The following ICAM5 variants were observed in gnomAD, a reference collection of about 807,000 sequenced individuals.
The protein encoded by ICAM5 is ICAM-5.
In ICAM5, 38 loss-of-function variants were observed where a neutral mutation model predicts 78.8. The observed-to-expected ratio is 0.48, with a 90% CI of 0.37 to 0.63. ICAM5 has a LOEUF of 0.63. Ranked by LOEUF, ICAM5 falls within the 30% of genes least tolerant of loss-of-function variation. ICAM5 has a pLI of 0.00. For synonymous variants in ICAM5, 544 were observed against 590.9 expected (o/e 0.92, Z 1.15); for missense variants, 1,059 against 1,303.0 (o/e 0.81, Z 2.88).
In ICAM5 at chr19:10,296,259, C is replaced by A. The variant is rs569416626; in HGVS notation, c.2498-80C>A. 3.3e-6 allele frequency: 4 copies of A among 1,207,646 alleles called. No homozygotes were observed. In the East Asian group the frequency reaches 1.3e-4, roughly 39 times the overall value. 74.8% of individuals were successfully genotyped at this position (1,207,646 alleles called of 1,614,324 possible). A position where few individuals can be genotyped will look rare whatever the true frequency, so the allele number is the denominator to read the frequency against. On this transcript the variant is annotated intron_variant, in intron 10 of 10. Transcript: ENST00000221980. ...CTCCCCGGGGCATGAGGACTGACTTCGTGCCTGTGGGAGTGCGGGGGGCGG... is the reference window on the plus strand; with the variant it reads ...CTCCCCGGGGCATGAGGACTGACTTAGTGCCTGTGGGAGTGCGGGGGGCGG...
Position 10,294,594 on chromosome 19 carries a change from C to A in ICAM5, c.2184C>A (p.Thr728=). ...CGGGCACTTACCACTGTGTGGCCAC[C>A]AATGCGCATGGCACGGACTCCCGGA... ...EDAGTYHCVA[T]NAHGTDSRTV... The change falls in exon 9 of 11, where the codon ACC becomes ACA. Residue 728 remains threonine (T), a synonymous_variant. Transcript: ENST00000221980. This position sits in a 1 kb window ranked among gnomAD's most constrained non-coding sequence, Gnocchi z 7.7. 1 of 1,613,018 alleles carries A rather than the reference C, an allele frequency of 6.2e-7. No individual in the cohort carries two copies. The highest frequency in any genetic ancestry group is 1.3e-5 in the African/African-American group (1 of 75,046).
chr19:10,293,623 G>A lies in ICAM5; in HGVS notation c.1466-75G>A. On this transcript the variant is annotated intron_variant, in intron 6 of 10. Coordinates refer to ENST00000221980, the MANE Select transcript of ICAM5 (RefSeq NM_003259.4). The surrounding 1 kb of genome is among the most constrained non-coding windows in gnomAD (Gnocchi z 5.0). The stretch of plus-strand genomic sequence containing the variant: ...AGGGACAACACTTCGTGGAAGCCTT[G>A]CCGCGCCAAGGAGGGTCTAGGGACG... 1.3e-6 allele frequency: 2 copies of A among 1,549,920 alleles called. No individual in the cohort carries two copies. Among genetic ancestry groups the A allele is most frequent in the Non-Finnish European group, 1.7e-6 (2 of 1,145,988 alleles).
chr19:10,291,383 T>G, intron 2 of ICAM5, 42 bp downstream of exon 2: 1 of 1,606,422 alleles, frequency 6.2e-7, no homozygotes, highest in Non-Finnish European at 8.5e-7. Flanking sequence ...CTACTCTCCC[T>G]CCCTCCCAGG....
Position 10,292,262 on chromosome 19 carries a change from G to A in ICAM5, c.901G>A (p.Val301Ile), listed in dbSNP as rs1056538. ...AGAGCAGGAGGGTGCCAGGCAGCTG[G>A]TCTGCAACGTCACCCTGGGGGGCGA... Reference protein sequence around the residue: ...SAEQEGARQLVCNVTLGGENR... With the variant: ...SAEQEGARQLICNVTLGGENR... The change falls in exon 4 of 11, where the codon GTC becomes ATC. Residue 301 changes from valine to isoleucine, a missense_variant. This residue lies in a region of ICAM5 where 815 missense variants were observed against 952.8 expected (regional missense o/e 0.86). Coordinates refer to ENST00000221980, the MANE Select transcript of ICAM5 (RefSeq NM_003259.4). The A allele has an allele frequency of 0.37, 603,388 of 1,612,270 alleles. 117,960 individuals are homozygous for A. The highest frequency in any genetic ancestry group is 0.54 in the Admixed American group (32,341 of 59,922).
At position 10,293,086 on chromosome 19, in the gene ICAM5, G is replaced by C. The variant is rs770339845; in HGVS notation, c.1305G>C (p.Gly435=). ...PEQTLRCEAR[G]NPEPSVHCAR... is the part of the protein sequence containing the mutation. ...AGACGCTGCGCTGCGAGGCCCGCGGGAACCCAGAACCCTCAGTGCACTGTG... is the reference window on the plus strand; with the variant it reads ...AGACGCTGCGCTGCGAGGCCCGCGGCAACCCAGAACCCTCAGTGCACTGTG... Residue 435 remains glycine (G), a synonymous_variant, in exon 6 of 11, where the codon GGG becomes GGC. Coordinates refer to ENST00000221980, the MANE Select transcript of ICAM5 (RefSeq NM_003259.4). The surrounding 1 kb of genome is among the most constrained non-coding windows in gnomAD (Gnocchi z 5.0). The C allele has an allele frequency of 6.2e-7, 1 of 1,610,264 alleles. No individual in the cohort carries two copies. The highest frequency in any genetic ancestry group is 1.1e-5 in the South Asian group (1 of 90,976).
At position 10,290,672 on chromosome 19, in the gene ICAM5, A is replaced by G; in HGVS notation, c.83-400A>G. On this transcript the variant is annotated intron_variant, in intron 1 of 10. Coordinates refer to ENST00000221980, the MANE Select transcript of ICAM5 (RefSeq NM_003259.4). This position sits in a 1 kb window ranked among gnomAD's most constrained non-coding sequence, Gnocchi z 5.7. Reference sequence around the variant, plus strand: ...TCGTCTCTCCTTTGCCCTTGCCGCAAACGCACTCTCCTCGTATCCCGGCAT... The same window carrying G: ...TCGTCTCTCCTTTGCCCTTGCCGCAGACGCACTCTCCTCGTATCCCGGCAT... 3.7e-6 allele frequency: 1 copy of G among 271,138 alleles called. No individual in the cohort carries two copies. The highest frequency in any genetic ancestry group is 7.0e-6 in the Non-Finnish European group (1 of 142,668). The allele number at this position is 271,138 out of a possible 1,614,324, so 16.8% of individuals were successfully genotyped here. A position where few individuals can be genotyped will look rare whatever the true frequency, so the allele number is the denominator to read the frequency against.
Position 10,293,410 on chromosome 19 carries a change from A to G in ICAM5, c.1465+164A>G, listed in dbSNP as rs1393806039. Among the ~76,000 whole-genome samples the G allele has an allele frequency of 6.6e-6, 1 of 152,008 alleles. No individual in the cohort carries two copies. Among genetic ancestry groups the G allele is most frequent in the Non-Finnish European group, 1.5e-5 (1 of 67,994 alleles). ...GTTGGAGAAAGATCTTGGAGGATGGAAGGGACCGGGTGGGCGTGCCCCTAG... is the reference window on the plus strand; with the variant it reads ...GTTGGAGAAAGATCTTGGAGGATGGGAGGGACCGGGTGGGCGTGCCCCTAG... On this transcript the variant is annotated intron_variant, in intron 6 of 10. Coordinates refer to ENST00000221980, the MANE Select transcript of ICAM5 (RefSeq NM_003259.4). This position sits in a 1 kb window ranked among gnomAD's most constrained non-coding sequence, Gnocchi z 5.0.
At chr19:10,295,666 T>G (rs1028493792) in intron 10 of ICAM5, 54 bp downstream of exon 10, 3 of 1,495,870 alleles carry the variant, frequency 2.0e-6, no homozygotes, top group Non-Finnish European at 2.7e-6. Context: ...GGGCGTGACC[T>G]GGGTCTTGGG....
rs902542187 is a variant in ICAM5, at chr19:10,293,992, G to T, written c.1712-48G>T. ...AGGCAGGATCTGTGGGACAACCCCGGCTGGACTTCCTGGCCCCCGTGTGAG... is the reference window on the plus strand; with the variant it reads ...AGGCAGGATCTGTGGGACAACCCCGTCTGGACTTCCTGGCCCCCGTGTGAG... On this transcript the variant is annotated intron_variant, in intron 7 of 10. Transcript: ENST00000221980. The surrounding 1 kb of genome is among the most constrained non-coding windows in gnomAD (Gnocchi z 5.0). 1.3e-6 allele frequency: 2 copies of T among 1,596,896 alleles called. No individual in the cohort carries two copies. The highest frequency in any genetic ancestry group is 1.7e-6 in the Non-Finnish European group (2 of 1,168,702).
Position 10,290,804 on chromosome 19 carries a change from C to A in ICAM5, c.83-268C>A, listed in dbSNP as rs1388929875. The A allele has an allele frequency of 3.5e-6, 2 of 569,070 alleles. No homozygotes were observed. The highest frequency in any genetic ancestry group is 2.9e-5 in the East Asian group (1 of 34,188). The allele number at this position is 569,070 out of a possible 1,614,324, so 35.3% of individuals were successfully genotyped here. A position where few individuals can be genotyped will look rare whatever the true frequency, so the allele number is the denominator to read the frequency against. On this transcript the variant is annotated intron_variant, in intron 1 of 10. Coordinates refer to ENST00000221980, the MANE Select transcript of ICAM5 (RefSeq NM_003259.4). The surrounding 1 kb of genome is among the most constrained non-coding windows in gnomAD (Gnocchi z 5.7). ...GAACCCACCTTTCCTCTCCTCTACG[C>A]CCTCCCCCCATGCTTTCCCGCCGCT... is the stretch of plus-strand genomic sequence containing the variant.
intron 9 of ICAM5, 77 bp from the exon 10 acceptor site, chr19:10,295,269 C>A (rs2040210739): frequency 7.1e-7 from 1 of 1,411,276 alleles, no homozygotes; most frequent in East Asian, 2.6e-5. Context: ...TCCCATCGAT[C>A]GTTGTGGGCC....
At position 10,292,933 on chromosome 19, in the gene ICAM5, C is replaced by T. The variant is rs549992190; in HGVS notation, c.1217-65C>T. 5.0e-6 allele frequency: 8 copies of T among 1,607,108 alleles called. No individual in the cohort carries two copies. In the African/African-American group the frequency reaches 9.4e-5, roughly 19 times the overall value. Reference sequence around the variant, plus strand: ...TTCCAAGGACCCGCCTGCTCCCTCACCGTGTCGTGGAGGCGGAGCCATTTC... The same window carrying T: ...TTCCAAGGACCCGCCTGCTCCCTCATCGTGTCGTGGAGGCGGAGCCATTTC... On this transcript the variant is annotated intron_variant, in intron 5 of 10. Transcript: ENST00000221980.
In ICAM5 at chr19:10,295,493, C is replaced by G. The variant is rs1031153447; in HGVS notation, c.2378C>G (p.Ser793Trp). The G allele has an allele frequency of 6.4e-7, 1 of 1,571,060 alleles. No homozygotes were observed. The highest frequency in any genetic ancestry group is 1.2e-5 in the South Asian group (1 of 86,274). ...APPGALNIGL[S>W]SNNSTLSVAG... ...CCGGGGGCCCTCAACATCGGCCTGTCGAGCAACAACAGCACACTGAGCGTG... is the reference window on the plus strand; with the variant it reads ...CCGGGGGCCCTCAACATCGGCCTGTGGAGCAACAACAGCACACTGAGCGTG... The change falls in exon 10 of 11, where the codon TCG (serine) becomes TGG (tryptophan). Residue 793 changes from serine to tryptophan, a missense_variant. This residue lies in a region of ICAM5 where 135 missense variants were observed against 230.2 expected (regional missense o/e 0.59). Coordinates refer to ENST00000221980, the MANE Select transcript of ICAM5 (RefSeq NM_003259.4).
rs1203000740 is a variant in ICAM5, at chr19:10,296,350, T to C, written c.2509T>C (p.Trp837Arg). The part of the protein sequence containing the change: ...ITVRVAGPWL[W>R]VAVGGAAGGA... ...TCTCCACCCCGCAGGTCCGTGGCTA[T>C]GGGTCGCCGTGGGCGGCGCGGCGGG... is the stretch of plus-strand genomic sequence containing the variant. The change falls in exon 11 of 11, where the codon TGG (tryptophan) becomes CGG (arginine). Residue 837 changes from tryptophan (W) to arginine (R), a missense_variant. Around this residue, in one of 3 missense-constraint regions of ICAM5, gnomAD observed 135 missense variants for 230.2 expected, o/e 0.59. Coordinates refer to ENST00000221980, the MANE Select transcript of ICAM5 (RefSeq NM_003259.4). 2.4e-6 allele frequency: 3 copies of C among 1,243,900 alleles called. No individual in the cohort carries two copies. The highest frequency in any genetic ancestry group is 3.0e-6 in the Non-Finnish European group (3 of 986,206). The allele number at this position is 1,243,900 out of a possible 1,614,324, so 77.1% of individuals were successfully genotyped here. A position where few individuals can be genotyped will look rare whatever the true frequency, so the allele number is the denominator to read the frequency against.
chr19:10,292,118 G>C lies in ICAM5; in HGVS notation c.757G>C (p.Gly253Arg). ...SERPVSCTLDGLFPASEARVY... is the reference protein window; with the variant it reads ...SERPVSCTLDRLFPASEARVY... The stretch of plus-strand genomic sequence containing the variant: ...AAGGCCCGTGAGCTGCACTCTGGAC[G>C]GACTGTTTCCAGCCTCAGAGGCCAG... Residue 253 changes from glycine to arginine, a missense_variant, in exon 4 of 11, where the codon GGA becomes CGA. By Grantham distance (125) the Gly-to-Arg change is moderately radical. Around this residue, in one of 3 missense-constraint regions of ICAM5, gnomAD observed 815 missense variants for 952.8 expected, o/e 0.86. Transcript: ENST00000221980. 2 of 1,613,344 alleles carry C rather than the reference G, an allele frequency of 1.2e-6. No homozygotes were observed. Among genetic ancestry groups the C allele is most frequent in the Non-Finnish European group, 1.7e-6 (2 of 1,180,006 alleles).
In ICAM5 at chr19:10,296,460, G is replaced by A; in HGVS notation, c.2619G>A (p.Gln873=). The A allele has an allele frequency of 7.6e-7, 1 of 1,315,068 alleles. No homozygotes were observed. Among genetic ancestry groups the A allele is most frequent in the Non-Finnish European group, 9.8e-7 (1 of 1,015,250 alleles). The allele number at this position is 1,315,068 out of a possible 1,614,324, so 81.5% of individuals were successfully genotyped here. ...GCAAGAAGGGCGAGTACAACGTGCA[G>A]GAGGCCGAGAGCTCAGGCGAGGCCG... ...TACKKGEYNV[Q]EAESSGEAVC... is the part of the protein sequence containing the mutation. The change falls in exon 11 of 11, where the codon CAG becomes CAA. Residue 873 remains glutamine, a synonymous_variant. Coordinates refer to ENST00000221980, the MANE Select transcript of ICAM5 (RefSeq NM_003259.4).
rs1204649239 is a variant in ICAM5 at position 10,290,580 on chromosome 19, C to T, written c.82+455C>T. 1.5e-5 allele frequency: 3 copies of T among 201,816 alleles called. No homozygotes were observed. Among genetic ancestry groups the T allele is most frequent in the East Asian group, 1.2e-4 (1 of 8,064 alleles). The allele number at this position is 201,816 out of a possible 1,614,324, so 12.5% of individuals were successfully genotyped here. On this transcript the variant is annotated intron_variant, in intron 1 of 10. Transcript: ENST00000221980. This position sits in a 1 kb window ranked among gnomAD's most constrained non-coding sequence, Gnocchi z 5.7. The stretch of plus-strand genomic sequence containing the variant: ...TGTTCCCGCGGTTCCTTCCATGAGC[C>T]CAGCCTTGCGTCCCGGCTCCGTGTT...
chr19:10,296,546 A>C lies in ICAM5; in HGVS notation c.2705A>C (p.Glu902Ala). 1.6e-6 allele frequency: 2 copies of C among 1,218,904 alleles called. No individual in the cohort carries two copies. The highest frequency in any genetic ancestry group is 8.3e-5 in the South Asian group (2 of 24,128). The allele number at this position is 1,218,904 out of a possible 1,614,324, so 75.5% of individuals were successfully genotyped here. Reference sequence around the variant, plus strand: ...GCGGCAGGCGCGGAGGGCGGACCCGAGGCGGCGGGGGGCGCGGCCGAGTCG... The same window carrying C: ...GCGGCAGGCGCGGAGGGCGGACCCGCGGCGGCGGGGGGCGCGGCCGAGTCG... ...GGAAGAEGGP[E>A]AAGGAAESPA... The change falls in exon 11 of 11, where the codon GAG (glutamate) becomes GCG (alanine). Residue 902 changes from glutamate (E) to alanine (A), a missense_variant. Coordinates refer to ENST00000221980, the MANE Select transcript of ICAM5 (RefSeq NM_003259.4).
Position 10,294,406 on chromosome 19 carries a change from C to G in ICAM5, c.1996C>G (p.Pro666Ala). 1 of 1,612,848 alleles carries G rather than the reference C, an allele frequency of 6.2e-7. No individual in the cohort carries two copies. Among genetic ancestry groups the G allele is most frequent in the Non-Finnish European group, 8.5e-7 (1 of 1,179,724 alleles). The stretch of plus-strand genomic sequence containing the variant: ...CCCCCATGGCTGCTTTGCAGCGCCA[C>G]CGGAGATGGATGAATCTACCTGCCC... ...KTVVVSAESP[P>A]EMDESTCPSH... Residue 666 changes from proline to alanine, a missense_variant, in exon 9 of 11, where the codon CCG becomes GCG. This residue lies in a region of ICAM5 where 815 missense variants were observed against 952.8 expected (regional missense o/e 0.86). Coordinates refer to ENST00000221980, the MANE Select transcript of ICAM5 (RefSeq NM_003259.4). This position sits in a 1 kb window ranked among gnomAD's most constrained non-coding sequence, Gnocchi z 7.7.
Sources: allele counts gnomAD v4.1 joint callset (sites outside exome capture counted in the v4.1 genomes callset), GRCh38; gene constraint gnomAD v4.1.1; regional missense constraint gnomAD v4.1.1; non-coding constraint Gnocchi (gnomAD v3.1); transcripts MANE v1.5; gene names NCBI Gene and HGNC (gene_info 2026-07-23, HGNC 2026-07-21).